KCNMB2: variants seen among roughly 807,000 people sequenced by gnomAD.
KCNMB2 encodes potassium calcium-activated channel subfamily M regulatory beta subunit 2.
In KCNMB2, 9 loss-of-function variants were observed where a neutral mutation model predicts 24.5. That is an observed-to-expected ratio of 0.37 (90% CI 0.22 to 0.64). The LOEUF is 0.64. KCNMB2 is among the 30% of genes least tolerant of loss of function. The probability of loss-of-function intolerance (pLI) is 0.63; values close to 1 mark genes in which losing one functional copy is unlikely to be tolerated. For missense variants in KCNMB2, 226 were observed against 284.3 expected, an observed-to-expected ratio of 0.79 and a Z score of 1.47; for synonymous variants, 109 against 104.4, an observed-to-expected ratio of 1.04 and a Z score of -0.27.
intron 1 of KCNMB2, among the ~76,000 whole-genome samples, chr3:178,594,719 T>C (rs1034163688): frequency 1.3e-5 from 2 of 152,044 alleles, no homozygotes; most frequent in African/African-American, 4.8e-5. Context: ...AACTCAGAAG[T>C]TGTCAACACA....
At chr3:178,816,258 T>C (rs1714401167) in intron 2 of KCNMB2, among the ~76,000 whole-genome samples, 1 of 151,930 alleles carries the variant, frequency 6.6e-6, no homozygotes, top group Admixed American at 6.5e-5. Flanking sequence ...CAGGAAGTTA[T>C]AAACTTCAGA....
chr3:178,592,322 G>A (rs1308207840), intron 1 of KCNMB2, among the ~76,000 whole-genome samples: 2 of 152,104 alleles, frequency 1.3e-5, no homozygotes, highest in Non-Finnish European at 2.9e-5. Flanking sequence ...CAGGTGGAAC[G>A]CGAAGGTAAT....
chr3:178,568,801 AG>A (rs1206377178), intron 1 of KCNMB2, among the ~76,000 whole-genome samples: 46 of 122,172 alleles, frequency 3.8e-4, no homozygotes, highest in South Asian at 7.8e-4. Context: ...ATAGATAGAT[AG>A]ATAGATAGAT....
At chr3:178,822,576 T>C (rs1714674878) in intron 2 of KCNMB2, among the ~76,000 whole-genome samples, 1 of 55,992 alleles carries the variant, frequency 1.8e-5, no homozygotes, top group Admixed American at 1.5e-4. Context: ...TATTCATTTC[T>C]TTATTTTCCA....
intron 2 of KCNMB2, among the ~76,000 whole-genome samples, chr3:178,817,214 G>C (rs1291619849): frequency 1.0e-5 from 1 of 97,240 alleles, no homozygotes; most frequent in African/African-American, 6.3e-5. Flanking sequence ...TCATGTTAAT[G>C]ACATATATAT....
intron 1 of KCNMB2, among the ~76,000 whole-genome samples, chr3:178,646,866 A>T (rs2108554743): frequency 6.6e-6 from 1 of 152,366 alleles, no homozygotes; most frequent in South Asian, 2.1e-4. Flanking sequence ...TTTATTAAAA[A>T]AGCATTTTCA....
chr3:178,560,455 G>A (rs181925845), intron 1 of KCNMB2, among the ~76,000 whole-genome samples: 1 of 152,272 alleles, frequency 6.6e-6, no homozygotes, highest in African/African-American at 2.4e-5. Context: ...CCACTGAAGC[G>A]ATTGCTATTC....
chr3:178,829,166 G>A (rs1318380011), intron 4 of KCNMB2, among the ~76,000 whole-genome samples: 1 of 152,052 alleles, frequency 6.6e-6, no homozygotes, highest in Non-Finnish European at 1.5e-5. Flanking sequence ...TAAATATATT[G>A]AGTTTTGGAT....
chr3:178,577,682 GT>G (rs1249605869), intron 1 of KCNMB2, among the ~76,000 whole-genome samples: 1 of 152,016 alleles, frequency 6.6e-6, no homozygotes, highest in Admixed American at 6.6e-5. Context: ...ACAAACACAA[GT>G]TTAGAGAAGA....
At chr3:178,655,900 G>A (rs1431677691) in intron 1 of KCNMB2, among the ~76,000 whole-genome samples, 2 of 152,148 alleles carry the variant, frequency 1.3e-5, no homozygotes, top group Non-Finnish European at 2.9e-5. Context: ...GGGAAAACAA[G>A]AGATCTGTAT....
At chr3:178,611,873 T>C (rs912924113) in intron 1 of KCNMB2, among the ~76,000 whole-genome samples, 1 of 152,196 alleles carries the variant, frequency 6.6e-6, no homozygotes, top group Non-Finnish European at 1.5e-5. Context: ...TTCTCTTTTT[T>C]GATGTAGACA....
intron 1 of KCNMB2, among the ~76,000 whole-genome samples, chr3:178,615,615 CTCT>C (rs779638953): frequency 3.3e-5 from 5 of 152,230 alleles, no homozygotes; most frequent in Non-Finnish European, 7.3e-5. Context: ...GGCTCAAGGG[CTCT>C]TAAGTCAGCT....
chr3:178,650,313 T>A (rs781287677), intron 1 of KCNMB2, among the ~76,000 whole-genome samples: 34 of 152,206 alleles, frequency 2.2e-4, no homozygotes, highest in Non-Finnish European at 3.2e-4. Flanking sequence ...GAAAAATGTA[T>A]ATTCTGTTAC....
chr3:178,646,476 G>A (rs1026708387), intron 1 of KCNMB2, among the ~76,000 whole-genome samples: 8 of 152,200 alleles, frequency 5.3e-5, no homozygotes, highest in Middle Eastern at 3.2e-3. Flanking sequence ...CAGGGACAAA[G>A]GGCATCTGTT....
intron 1 of KCNMB2, among the ~76,000 whole-genome samples, chr3:178,675,891 G>T (rs1361402702): frequency 6.6e-6 from 1 of 152,148 alleles, no homozygotes; most frequent in African/African-American, 2.4e-5. Context: ...ATATCAACCA[G>T]TTCTAAACAA....
chr3:178,595,652 AAAGGATGTG>A (rs1290023239), intron 1 of KCNMB2, among the ~76,000 whole-genome samples: 3 of 152,034 alleles, frequency 2.0e-5, no homozygotes, highest in Non-Finnish European at 4.4e-5. Context: ...GCCATGTGAA[AAAGGATGTG>A]TTTGCTTTTC....
At chr3:178,761,698 C>A (rs1711890549) in intron 1 of KCNMB2, among the ~76,000 whole-genome samples, 1 of 152,110 alleles carries the variant, frequency 6.6e-6, no homozygotes, top group Non-Finnish European at 1.5e-5. Flanking sequence ...AACAAGCATT[C>A]TTGCCGAGAG....
At chr3:178,711,438 T>A (rs972844563) in intron 1 of KCNMB2, among the ~76,000 whole-genome samples, 1 of 152,036 alleles carries the variant, frequency 6.6e-6, no homozygotes. Flanking sequence ...TTAATATAGC[T>A]CCAGACAATC....
At chr3:178,622,662 T>C (rs1718965047) in intron 1 of KCNMB2, among the ~76,000 whole-genome samples, 1 of 152,218 alleles carries the variant, frequency 6.6e-6, no homozygotes, top group Non-Finnish European at 1.5e-5. Context: ...TTGATCTTGC[T>C]GTGATTCCTG....
Sources: allele counts gnomAD v4.1 joint callset (sites outside exome capture counted in the v4.1 genomes callset), GRCh38; gene constraint gnomAD v4.1.1; transcripts MANE v1.5; gene names NCBI Gene and HGNC (gene_info 2026-07-23, HGNC 2026-07-21).